MTDH: variants seen among roughly 807,000 people sequenced by gnomAD.
MTDH encodes metadherin.
In MTDH, 34 loss-of-function variants were observed where a neutral mutation model predicts 72.7. The observed-to-expected ratio is 0.47, with a 90% CI of 0.36 to 0.62. The LOEUF (loss-of-function observed/expected upper bound fraction) is 0.62, where lower values mean the gene tolerates loss of function less well. Among genes scored for constraint, MTDH ranks in the 20% least tolerant of loss-of-function variants. The pLI, the probability that MTDH is intolerant of heterozygous loss-of-function variation, is 0.00. For missense variants in MTDH, 677 were observed against 699.4 expected, an observed-to-expected ratio of 0.97 and a Z score of 0.36; for synonymous variants, 266 against 268.9, an observed-to-expected ratio of 0.99 and a Z score of 0.10.
chr8:97,653,871 A>G (rs1811866941), intron 1 of MTDH, among the ~76,000 whole-genome samples: 3 of 152,148 alleles, frequency 2.0e-5, no homozygotes, highest in Admixed American at 2.0e-4. Flanking sequence ...TGTCTTAGAC[A>G]TTTTTCTTCT....
chr8:97,684,091 C>G (rs948781551), intron 2 of MTDH, among the ~76,000 whole-genome samples: 2 of 147,722 alleles, frequency 1.4e-5, no homozygotes, highest in African/African-American at 5.0e-5. Context: ...GAACTGAGAT[C>G]GCGCCATTGC....
At chr8:97,676,320 G>C (rs866856245) in intron 2 of MTDH, among the ~76,000 whole-genome samples, 45 of 152,246 alleles carry the variant, frequency 3.0e-4, no homozygotes, top group Middle Eastern at 3.4e-3. Flanking sequence ...TTAATGATAA[G>C]AATAGTGTCA....
At chr8:97,689,908 C>T (rs979636670) in intron 5 of MTDH, among the ~76,000 whole-genome samples, 2 of 151,462 alleles carry the variant, frequency 1.3e-5, no homozygotes, top group African/African-American at 2.4e-5. Context: ...GGGGTTTCAC[C>T]TTGTTGGCCA....
At chr8:97,660,571 A>C (rs1933157025) in intron 1 of MTDH, among the ~76,000 whole-genome samples, 1 of 152,210 alleles carries the variant, frequency 6.6e-6, no homozygotes, top group South Asian at 2.1e-4. Flanking sequence ...GGCAATCAAT[A>C]AAATATTTTT....
intron 10 of MTDH, among the ~76,000 whole-genome samples, chr8:97,720,152 G>C (rs1004304397): frequency 5.9e-5 from 9 of 152,108 alleles, no homozygotes; most frequent in African/African-American, 2.2e-4. Context: ...AGGTGTGGTG[G>C]CAGGCACCTG....
Position 97,726,268 on chromosome 8 carries a change from C to A in MTDH, c.*1598C>A, listed in dbSNP as rs1441576062. The A allele has an allele frequency of 2.0e-5, 3 of 152,554 alleles. No homozygotes were observed. The highest frequency in any genetic ancestry group is 6.5e-5 in the Admixed American group (1 of 15,274). 9.5% of individuals were successfully genotyped at this position (152,554 alleles called of 1,614,324 possible). ...TACATGTCAGAAGTTTTGTTTAATT[C>A]TATGGTATTTCTAAATTGACTTGTT... On this transcript the variant is annotated 3_prime_UTR_variant, in exon 12 of 12. Transcript: ENST00000336273.
chr8:97,683,636 C>T (rs1014737388), intron 2 of MTDH, among the ~76,000 whole-genome samples: 2 of 151,982 alleles, frequency 1.3e-5, no homozygotes, highest in African/African-American at 4.8e-5. Flanking sequence ...TCAAGTGATC[C>T]TCCCACCTCA....
At chr8:97,674,847 G>T (rs1465099474) in intron 2 of MTDH, among the ~76,000 whole-genome samples, 1 of 151,128 alleles carries the variant, frequency 6.6e-6, no homozygotes, top group Non-Finnish European at 1.5e-5. Context: ...GTCTTGCTCT[G>T]TCACCTAGGC....
intron 2 of MTDH, among the ~76,000 whole-genome samples, chr8:97,667,260 A>T (rs1252306324): frequency 6.6e-6 from 1 of 152,216 alleles, no homozygotes; most frequent in African/African-American, 2.4e-5. Context: ...TGCTGGGATC[A>T]CAGGCATCTC....
intron 7 of MTDH, among the ~76,000 whole-genome samples, chr8:97,703,024 A>G (rs1165825635): frequency 2.6e-5 from 4 of 152,218 alleles, no homozygotes; most frequent in Non-Finnish European, 5.9e-5. Flanking sequence ...TTTTAAGGGA[A>G]CTATGTCTAA....
chr8:97,706,663 TGCACCA>T lies in MTDH; in HGVS notation c.1189_1194del (p.Pro397_Ala398del). 1 of 1,613,686 alleles carries T rather than the reference TGCACCA, an allele frequency of 6.2e-7. No individual in the cohort carries two copies. Among genetic ancestry groups the T allele is most frequent in the Non-Finnish European group, 8.5e-7 (1 of 1,179,774 alleles). ...CTGCTGATCCCAACTCTGATTGGAA[TGCACCA>T]GCAGAAGAGTGGGGCAATTGGGTAG... On this transcript the variant is annotated inframe_deletion, in exon 8 of 12. Coordinates refer to ENST00000336273, the MANE Select transcript of MTDH (RefSeq NM_178812.4).
chr8:97,659,371 G>T (rs569079607), intron 1 of MTDH, among the ~76,000 whole-genome samples: 1 of 152,126 alleles, frequency 6.6e-6, no homozygotes, highest in African/African-American at 2.4e-5. Flanking sequence ...CAAATCAAGA[G>T]TAAGAAAACC....
In MTDH at chr8:97,644,193, T is replaced by G; in HGVS notation, c.-314T>G. The G allele has an allele frequency of 2.4e-5, 7 of 288,222 alleles. No homozygotes were observed. Among genetic ancestry groups the G allele is most frequent in the East Asian group, 8.8e-5 (1 of 11,382 alleles). The allele number at this position is 288,222 out of a possible 1,614,324, so 17.9% of individuals were successfully genotyped here. A position where few individuals can be genotyped will look rare whatever the true frequency, so the allele number is the denominator to read the frequency against. Reference sequence around the variant, plus strand: ...GCGTGGATCGCGGCCCAAGCCGCCATTGTTCCGCCGAGGGAGGACAGCGGG... The same window carrying G: ...GCGTGGATCGCGGCCCAAGCCGCCAGTGTTCCGCCGAGGGAGGACAGCGGG... On this transcript the variant is annotated 5_prime_UTR_variant, in exon 1 of 12. Coordinates refer to ENST00000336273, the MANE Select transcript of MTDH (RefSeq NM_178812.4).
chr8:97,651,992 A>G (rs1192090792), intron 1 of MTDH, among the ~76,000 whole-genome samples: 1 of 152,112 alleles, frequency 6.6e-6, no homozygotes, highest in East Asian at 1.9e-4. Context: ...CCTTATATCT[A>G]ACCCATCAGC....
At chr8:97,723,333 G>A (rs1751638238) in intron 11 of MTDH, among the ~76,000 whole-genome samples, 1 of 151,646 alleles carries the variant, frequency 6.6e-6, no homozygotes, top group Non-Finnish European at 1.5e-5. Flanking sequence ...GGGAGGCAGA[G>A]CTTGCAGTGA....
At chr8:97,705,305 A>G (rs558312623) in intron 7 of MTDH, among the ~76,000 whole-genome samples, 9 of 151,598 alleles carry the variant, frequency 5.9e-5, no homozygotes, top group African/African-American at 1.9e-4. Flanking sequence ...TCAAAAAAAA[A>G]AGAGAATTGA....
At chr8:97,659,963 A>G (rs1030876435) in intron 1 of MTDH, among the ~76,000 whole-genome samples, 8 of 152,242 alleles carry the variant, frequency 5.3e-5, no homozygotes, top group Admixed American at 5.2e-4. Context: ...GTTCAAGACC[A>G]GCCAGACCAA....
intron 2 of MTDH, among the ~76,000 whole-genome samples, chr8:97,677,087 G>A (rs2130972664): frequency 7.0e-6 from 1 of 143,846 alleles, no homozygotes; most frequent in South Asian, 2.3e-4. Flanking sequence ...GGAAGCTGAG[G>A]TAGGAGGATC....
At chr8:97,650,060 C>T (rs1811711178) in intron 1 of MTDH, among the ~76,000 whole-genome samples, 1 of 151,848 alleles carries the variant, frequency 6.6e-6, no homozygotes, top group African/African-American at 2.4e-5. Context: ...GGTTCACGCA[C>T]GTTCTCCTGC....
Sources: allele counts gnomAD v4.1 joint callset (sites outside exome capture counted in the v4.1 genomes callset), GRCh38; gene constraint gnomAD v4.1.1; transcripts MANE v1.5; gene names NCBI Gene and HGNC (gene_info 2026-07-23, HGNC 2026-07-21).